COL6A3: variants seen among roughly 807,000 people sequenced by gnomAD.
COL6A3 encodes collagen type VI alpha 3 chain.
A neutral mutation model predicts 274.1 loss-of-function variants in COL6A3; 137 were observed. The ratio of observed to expected loss-of-function variants is 0.50; its 90% CI spans 0.44 to 0.58. COL6A3 has a LOEUF of 0.58. Ranked by LOEUF, COL6A3 falls within the 20% of genes least tolerant of loss-of-function variation. The pLI, the probability that COL6A3 is intolerant of heterozygous loss-of-function variation, is 0.00. For synonymous variants in COL6A3, 1,650 were observed against 1,650.6 expected (o/e 1.00, Z 0.01); for missense variants, 3,950 against 4,124.9 (o/e 0.96, Z 1.16).
rs531282669 is a variant in COL6A3, at chr2:237,365,992, G to A, written c.5544C>T (p.Asp1848=). The part of the protein sequence containing the change: ...DVILGFDGSR[D]QNVFVAQKGF... ...CCTTCTGGGCCACAAAAACATTCTGGTCTCTAGAACCATCAAACCCCAGAA... is the reference window on the plus strand; with the variant it reads ...CCTTCTGGGCCACAAAAACATTCTGATCTCTAGAACCATCAAACCCCAGAA... Residue 1848 remains aspartate, a synonymous_variant, in exon 12 of 44, where the codon GAC becomes GAT. Coordinates refer to ENST00000295550, the MANE Select transcript of COL6A3 (RefSeq NM_004369.4). 6.2e-7 allele frequency: 1 copy of A among 1,613,932 alleles called. No individual in the cohort carries two copies. The highest frequency in any genetic ancestry group is 2.2e-5 in the East Asian group (1 of 44,882).
intron 3 of COL6A3, among the ~76,000 whole-genome samples, chr2:237,391,511 TTTG>T (rs1343663932): frequency 1.2e-5 from 1 of 86,850 alleles, no homozygotes; most frequent in African/African-American, 5.0e-5. Context: ...TCACTGTTTG[TTTG>T]TTTGTTTGTT....
intron 3 of COL6A3, 45 bp downstream of exon 3, chr2:237,394,542 C>T: frequency 1.9e-6 from 3 of 1,612,664 alleles, no homozygotes; most frequent in South Asian, 2.2e-5. Context: ...AGCTCATCTC[C>T]CAAGAACAGC....
intron 4 of COL6A3, among the ~76,000 whole-genome samples, chr2:237,383,132 G>A (rs1437854626): frequency 6.6e-6 from 1 of 152,178 alleles, no homozygotes; most frequent in Non-Finnish European, 1.5e-5. Flanking sequence ...TTCATTTCTA[G>A]TTGTTTGGAC....
Position 237,361,224 on chromosome 2 carries a change from T to C in COL6A3, c.6157-50A>G. 6.4e-7 allele frequency: 1 copy of C among 1,566,290 alleles called. No individual in the cohort carries two copies. Among genetic ancestry groups the C allele is most frequent in the Non-Finnish European group, 8.8e-7 (1 of 1,136,582 alleles). On this transcript the variant is annotated intron_variant, in intron 15 of 43. Coordinates refer to ENST00000295550, the MANE Select transcript of COL6A3 (RefSeq NM_004369.4). The surrounding 1 kb of genome is among the most constrained non-coding windows in gnomAD (Gnocchi z 5.1). ...TGTTTAATCCCGTGGTCTTCTTTGC[T>C]CTACAGTAAGAATCCCTGTGGTCCC...
At chr2:237,334,475 C>T (rs1387234749) in intron 41 of COL6A3, 151 bp downstream of exon 41, 78 of 855,134 alleles carry the variant, frequency 9.1e-5, no homozygotes, top group Non-Finnish European at 2.6e-5. Context: ...ACCAAAGCAC[C>T]CAGGCTGAGT....
intron 28 of COL6A3, among the ~76,000 whole-genome samples, chr2:237,349,718 C>T (rs561999804): frequency 1.2e-4 from 19 of 152,252 alleles, no homozygotes; most frequent in African/African-American, 4.6e-4. Flanking sequence ...AATTTCTATT[C>T]CTAAGATGTC....
At chr2:237,346,716 T>A in intron 31 of COL6A3, 151 bp from the exon 32 acceptor site, 1 of 715,950 alleles carries the variant, frequency 1.4e-6, no homozygotes, top group South Asian at 1.6e-5. Context: ...AAATGTCTCT[T>A]AAATTCAAGT....
At chr2:237,386,455 C>G (rs189388619) in intron 4 of COL6A3, 5 of 152,258 alleles carry the variant, frequency 3.3e-5, no homozygotes, top group Admixed American at 2.0e-4. Context: ...CAATATTTAT[C>G]TTGTAGACCC....
At chr2:237,406,381 G>T (rs1223553585) in intron 1 of COL6A3, among the ~76,000 whole-genome samples, 11 of 152,066 alleles carry the variant, frequency 7.2e-5, no homozygotes. Flanking sequence ...CATTTATTTG[G>T]TTTTCTCCAA....
At position 237,408,855 on chromosome 2, in the gene COL6A3, C is replaced by G. The variant is rs1212326348; in HGVS notation, c.-31+5098G>C. Among the ~76,000 whole-genome samples, 3 of 152,168 alleles carry G rather than the reference C, an allele frequency of 2.0e-5. No individual in the cohort carries two copies. The East Asian group carries it at 5.8e-4, about 29-fold the overall frequency. ...GCCTTTGGGAGAAGGTTTGGCAGAA[C>G]TTTTCGTATTTGTTTTTTTCTTCTC... On this transcript the variant is annotated intron_variant, in intron 1 of 43. Transcript: ENST00000295550.
Position 237,381,179 on chromosome 2 carries a change from C to A in COL6A3, c.1633G>T (p.Ala545Ser), listed in dbSNP as rs1488847688. ...AAAAGCTTAGGAATCCCCTCGGCAG[C>A]CCGGTAGCCGGCTGAACTCGTGAAT... ...NLFTSSAGYRAAEGIPKLLVL... is the reference protein window; with the variant it reads ...NLFTSSAGYRSAEGIPKLLVL... Residue 545 changes from alanine (A) to serine (S), a missense_variant, in exon 5 of 44, where the codon GCT becomes TCT. By Grantham distance (99) the Ala-to-Ser change is moderately conservative. Coordinates refer to ENST00000295550, the MANE Select transcript of COL6A3 (RefSeq NM_004369.4). The A allele has an allele frequency of 3.1e-6, 5 of 1,614,152 alleles. No homozygotes were observed. The highest frequency in any genetic ancestry group is 3.4e-6 in the Non-Finnish European group (4 of 1,180,060).
rs1317041185 is a variant in COL6A3, at chr2:237,368,816, A to T, written c.4647T>A (p.Gly1549=). The T allele has an allele frequency of 1.2e-6, 2 of 1,614,016 alleles. No individual in the cohort carries two copies. Among genetic ancestry groups the T allele is most frequent in the African/African-American group, 1.3e-5 (1 of 74,920 alleles). Residue 1549 remains glycine (G), a synonymous_variant, in exon 10 of 44, where the codon GGT becomes GGA. Coordinates refer to ENST00000295550, the MANE Select transcript of COL6A3 (RefSeq NM_004369.4). The surrounding 1 kb of genome is among the most constrained non-coding windows in gnomAD (Gnocchi z 4.4). ...GVPQHLVLVL[G]GKSQDDVSRF... ...TGGACACATCGTCCTGGGATTTTCC[A>T]CCCAGGACCAGGACCAGGTGTTGGG...
At chr2:237,341,722 A>G (rs1372379412) in intron 37 of COL6A3, among the ~76,000 whole-genome samples, 1 of 152,190 alleles carries the variant, frequency 6.6e-6, no homozygotes, top group Non-Finnish European at 1.5e-5. Flanking sequence ...GAAATGAAAA[A>G]TTATATTACT....
At chr2:237,351,960 A>G (rs1279002926) in intron 26 of COL6A3, among the ~76,000 whole-genome samples, 1 of 152,232 alleles carries the variant, frequency 6.6e-6, no homozygotes, top group African/African-American at 2.4e-5. Flanking sequence ...CCTCAATATC[A>G]TCTCAGCCAT....
Position 237,371,320 on chromosome 2 carries a change from G to A in COL6A3, c.4285+412C>T, listed in dbSNP as rs1355132926. 6.6e-6 allele frequency among the ~76,000 whole-genome samples: 1 copy of A among 152,170 alleles called. No individual in the cohort carries two copies. On this transcript the variant is annotated intron_variant, in intron 9 of 43. Coordinates refer to ENST00000295550, the MANE Select transcript of COL6A3 (RefSeq NM_004369.4). This position sits in a 1 kb window ranked among gnomAD's most constrained non-coding sequence, Gnocchi z 4.3. ...GGGCATGAAGAACATAAAGGTGCTG[G>A]GCGCGGTGTCTCAGGCCTGTAATCC...
intron 14 of COL6A3, among the ~76,000 whole-genome samples, chr2:237,362,567 G>GA (rs1463715797): frequency 3.3e-5 from 5 of 152,074 alleles, no homozygotes; most frequent in Non-Finnish European, 7.4e-5. Context: ...CTTCCACTAG[G>GA]AAAAAAATCC....
Position 237,387,698 on chromosome 2 carries a change from A to C in COL6A3, c.1196T>G (p.Val399Gly). 6.2e-7 allele frequency: 1 copy of C among 1,614,030 alleles called. No homozygotes were observed. The highest frequency in any genetic ancestry group is 2.2e-5 in the East Asian group (1 of 44,872). The change falls in exon 4 of 44, where the codon GTG becomes GGG. Residue 399 changes from valine to glycine, a missense_variant. Around this residue, in one of 5 missense-constraint regions of COL6A3, gnomAD observed 1,934 missense variants for 1,984.3 expected, o/e 0.97. Transcript: ENST00000295550. ...LQHIATDDNL[V>G]FTVPEFRSFG... ...GCTACGGAATTCCGGGACAGTAAAC[A>C]CCAAGTTGTCATCGGTAGCTATGTG... is the stretch of plus-strand genomic sequence containing the variant.
intron 3 of COL6A3, among the ~76,000 whole-genome samples, chr2:237,390,156 C>T (rs1484305382): frequency 9.2e-5 from 14 of 152,210 alleles, no homozygotes; most frequent in Non-Finnish European, 1.8e-4. Flanking sequence ...ATGATCAATA[C>T]AGTCAAGCTT....
chr2:237,382,336 T>C (rs78163738), intron 4 of COL6A3, among the ~76,000 whole-genome samples: 1,843 of 152,200 alleles, frequency 0.012, 65 homozygotes, highest in Admixed American at 0.059. Flanking sequence ...TAAGCCGGGA[T>C]TGCACCACTG....
Sources: gnomAD v4.1 joint callset for allele counts (sites outside exome capture counted in the v4.1 genomes callset) on GRCh38, gnomAD v4.1.1 for gene constraint, gnomAD v4.1.1 regional missense constraint, Gnocchi (gnomAD v3.1) non-coding constraint, MANE v1.5 for transcripts, NCBI Gene and HGNC (gene_info 2026-07-23, HGNC 2026-07-21) for gene names.